The following ACYP2 variants were observed in gnomAD, a reference collection of about 807,000 sequenced individuals.
ACYP2 encodes acylphosphatase-2.
A neutral mutation model predicts 11.2 loss-of-function variants in ACYP2; 12 were observed. The observed-to-expected ratio is 1.08, with a 90% confidence interval of 0.69 to 1.74. The LOEUF (loss-of-function observed/expected upper bound fraction) is 1.74, where lower values mean the gene tolerates loss of function less well. Among genes scored for constraint, ACYP2 ranks in the 40% most tolerant of loss-of-function variants. ACYP2 has a pLI of 0.00. For missense variants in ACYP2, 134 were observed against 101.9 expected, an observed-to-expected ratio of 1.31 and a Z score of -1.35; for synonymous variants, 43 against 32.2, an observed-to-expected ratio of 1.33 and a Z score of -1.13.
At chr2:54,017,253 GTTTCT>G (rs199554509) in intron 2 of ACYP2, among the ~76,000 whole-genome samples, 11 of 129,950 alleles carry the variant, frequency 8.5e-5, no homozygotes, top group East Asian at 2.1e-4. Context: ...TGGCCGTTAA[GTTTCT>G]TTTCTTTTCT....
At chr2:54,084,944 G>C (rs1415466566) in intron 4 of ACYP2, 1 of 152,174 alleles carries the variant, frequency 6.6e-6, no homozygotes, top group Non-Finnish European at 1.5e-5. Context: ...TAGATGTGAT[G>C]ATGGTAATGT....
At chr2:54,227,611 A>G (rs1686062940) in intron 6 of ACYP2, among the ~76,000 whole-genome samples, 1 of 148,938 alleles carries the variant, frequency 6.7e-6, no homozygotes, top group African/African-American at 2.4e-5. Flanking sequence ...CAACAGAGCA[A>G]GACTCCATTT....
chr2:53,974,994 A>C (rs1015879605), intron 2 of ACYP2, among the ~76,000 whole-genome samples: 1 of 152,140 alleles, frequency 6.6e-6, no homozygotes, highest in African/African-American at 2.4e-5. Flanking sequence ...ATCTAGAAGA[A>C]TAGAAATGTT....
At chr2:54,285,198 A>C (rs1348550699) in intron 6 of ACYP2, among the ~76,000 whole-genome samples, 1 of 152,134 alleles carries the variant, frequency 6.6e-6, no homozygotes, top group East Asian at 1.9e-4. Flanking sequence ...TAATCATCTC[A>C]CAAAGGCCCT....
chr2:54,010,737 C>CTTTTTTTT (rs539896151), intron 2 of ACYP2, among the ~76,000 whole-genome samples: 199 of 107,610 alleles, frequency 1.8e-3, no homozygotes, highest in Non-Finnish European at 2.3e-3. Context: ...TTCTTTCTTT[C>CTTTTTTTT]TTTTTTTTTT....
At chr2:54,122,689 T>C (rs751545304) in intron 4 of ACYP2, among the ~76,000 whole-genome samples, 2 of 152,200 alleles carry the variant, frequency 1.3e-5, no homozygotes, top group Non-Finnish European at 2.9e-5. Flanking sequence ...GAATCAGGAC[T>C]CTCAGAAAGA....
intron 6 of ACYP2, among the ~76,000 whole-genome samples, chr2:54,276,095 T>C (rs1408998451): frequency 6.6e-6 from 1 of 152,184 alleles, no homozygotes; most frequent in Non-Finnish European, 1.5e-5. Flanking sequence ...TGTACCCCGA[T>C]AATCATTATT....
intron 6 of ACYP2, among the ~76,000 whole-genome samples, chr2:54,214,223 G>C (rs12616857): frequency 0.22 from 34,095 of 152,092 alleles, 4,215 homozygotes; most frequent in East Asian, 0.39. Flanking sequence ...TTATTTTGCT[G>C]TGCAGAAGCT....
intron 2 of ACYP2, among the ~76,000 whole-genome samples, chr2:54,005,272 A>G (rs1673004492): frequency 6.6e-6 from 1 of 151,840 alleles, no homozygotes; most frequent in Non-Finnish European, 1.5e-5. Context: ...TGTTGAAAAG[A>G]CTATATTTTC....
At chr2:53,995,488 T>TATTTATTTATTTA (rs1553350323) in intron 2 of ACYP2, among the ~76,000 whole-genome samples, 4 of 145,116 alleles carry the variant, frequency 2.8e-5, no homozygotes, top group African/African-American at 1.0e-4. Context: ...TTTATTTATT[T>TATTTATTTATTTA]TTTATTTATT....
intron 6 of ACYP2, among the ~76,000 whole-genome samples, chr2:54,272,690 G>A (rs1449159768): frequency 6.6e-6 from 1 of 152,166 alleles, no homozygotes; most frequent in African/African-American, 2.4e-5. Flanking sequence ...TCCTGAATAT[G>A]CATTATACAA....
intron 5 of ACYP2, among the ~76,000 whole-genome samples, chr2:54,137,815 G>A (rs1055663967): frequency 5.9e-5 from 9 of 152,170 alleles, no homozygotes; most frequent in African/African-American, 2.2e-4. Context: ...GAATTGCCGG[G>A]TCACATTGTA....
intron 6 of ACYP2, among the ~76,000 whole-genome samples, chr2:54,288,099 C>T (rs1224223964): frequency 1.3e-5 from 2 of 151,942 alleles, no homozygotes; most frequent in Non-Finnish European, 2.9e-5. Context: ...TTCACCTTTC[C>T]TCTATCCAGG....
intron 4 of ACYP2, among the ~76,000 whole-genome samples, chr2:54,094,987 A>G (rs1241594285): frequency 1.3e-5 from 2 of 151,490 alleles, no homozygotes; most frequent in Non-Finnish European, 2.9e-5. Context: ...CAGCAGATAA[A>G]CAAGTGAACA....
intron 6 of ACYP2, among the ~76,000 whole-genome samples, chr2:54,209,189 A>G (rs1415824747): frequency 3.3e-5 from 5 of 152,180 alleles, no homozygotes; most frequent in Non-Finnish European, 5.9e-5. Flanking sequence ...GATTTAAAAA[A>G]ATATATTTAA....
intron 4 of ACYP2, among the ~76,000 whole-genome samples, chr2:54,092,754 T>G (rs1678302769): frequency 6.6e-6 from 1 of 152,064 alleles, no homozygotes; most frequent in Non-Finnish European, 1.5e-5. Context: ...TAGAAGCAGG[T>G]GGGTTCCAGT....
intron 6 of ACYP2, among the ~76,000 whole-genome samples, chr2:54,198,123 G>T (rs1684593404): frequency 6.6e-6 from 1 of 151,968 alleles, no homozygotes; most frequent in Non-Finnish European, 1.5e-5. Flanking sequence ...GGGTTCAAGT[G>T]ATTCTCCTGC....
At chr2:54,041,983 A>G (rs1185132176) in intron 2 of ACYP2, among the ~76,000 whole-genome samples, 2 of 148,538 alleles carry the variant, frequency 1.3e-5, no homozygotes, top group Non-Finnish European at 3.0e-5. Flanking sequence ...TCTCCGGTCC[A>G]TTGCTTCAAA....
chr2:54,150,061 T>C (rs1369244513), intron 6 of ACYP2, among the ~76,000 whole-genome samples: 1 of 152,166 alleles, frequency 6.6e-6, no homozygotes, highest in African/African-American at 2.4e-5. Flanking sequence ...TAAATGTATA[T>C]AATGGTGGAA....
Sources: allele counts gnomAD v4.1 joint callset (sites outside exome capture counted in the v4.1 genomes callset), GRCh38; gene constraint gnomAD v4.1.1; transcripts MANE v1.5; gene names NCBI Gene and HGNC (gene_info 2026-07-23, HGNC 2026-07-21).